The following ERC2 variants were observed in gnomAD, a reference collection of about 807,000 sequenced individuals.
ERC2 encodes ELKS/RAB6-interacting/CAST family member 2.
In ERC2, 42 loss-of-function variants were observed where a neutral mutation model predicts 114.8. The observed-to-expected ratio is 0.37, with a 90% CI of 0.29 to 0.47. The LOEUF (loss-of-function observed/expected upper bound fraction) is 0.47. Among genes scored for constraint, ERC2 ranks in the 20% least tolerant of loss-of-function variants. The probability of loss-of-function intolerance (pLI) is 0.99; values close to 1 mark genes in which losing one functional copy is unlikely to be tolerated. For synonymous variants in ERC2, 454 were observed against 425.5 expected, an observed-to-expected ratio of 1.07 and a Z score of -0.82; for missense variants, 939 against 1,150.7, an observed-to-expected ratio of 0.82 and a Z score of 2.66.
chr3:55,927,916 T>C (rs1191169259), intron 13 of ERC2, among the ~76,000 whole-genome samples: 2 of 152,200 alleles, frequency 1.3e-5, no homozygotes, highest in East Asian at 1.9e-4. Context: ...GTTCCACCCA[T>C]GTTGTTGCAA....
chr3:56,194,294 G>GA (rs1278378747), intron 3 of ERC2, among the ~76,000 whole-genome samples: 6 of 151,244 alleles, frequency 4.0e-5, no homozygotes, highest in East Asian at 1.9e-4. Flanking sequence ...ACTTTATTTG[G>GA]AAAAAAAAGG....
At chr3:55,639,415 G>A (rs2060085359) in intron 17 of ERC2, among the ~76,000 whole-genome samples, 1 of 152,168 alleles carries the variant, frequency 6.6e-6, no homozygotes, top group African/African-American at 2.4e-5. Context: ...TCAGGAGACT[G>A]GGGACCAGGA....
intron 14 of ERC2, among the ~76,000 whole-genome samples, chr3:55,809,055 C>G (rs1234121230): frequency 6.6e-6 from 1 of 151,828 alleles, no homozygotes; most frequent in African/African-American, 2.4e-5. Context: ...TTAAAAAAAT[C>G]CTACAGAATT....
At position 55,721,386 on chromosome 3, in the gene ERC2, T is replaced by C. The variant is rs139237450; in HGVS notation, c.2712+13385A>G. On this transcript the variant is annotated intron_variant, in intron 15 of 17. Coordinates refer to ENST00000288221, the MANE Select transcript of ERC2 (RefSeq NM_015576.3). ...ACAATGCATCTTCTCTACTCAACTG[T>C]AGGCTCTGCAAAAGCGAATCCTGCC... 2.3e-3 allele frequency among the ~76,000 whole-genome samples: 357 copies of C among 152,370 alleles called. 1 individual carries two copies. Among genetic ancestry groups the C allele is most frequent in the African/African-American group, 8.3e-3 (344 of 41,592 alleles).
At position 55,510,923 on chromosome 3, in the gene ERC2, A is replaced by T. The variant is rs1217349694; in HGVS notation, c.*393T>A. The T allele has an allele frequency of 6.6e-6, 1 of 152,232 alleles. No individual in the cohort carries two copies. Among genetic ancestry groups the T allele is most frequent in the Non-Finnish European group, 1.5e-5 (1 of 68,038 alleles). 9.4% of individuals were successfully genotyped at this position (152,232 alleles called of 1,614,324 possible). A position where few individuals can be genotyped will look rare whatever the true frequency, so the allele number is the denominator to read the frequency against. Reference sequence around the variant, plus strand: ...CACAGATAAAATCCCATGGAGTTCAAATTTATCCAATGATGTTTAAGTAAC... The same window carrying T: ...CACAGATAAAATCCCATGGAGTTCATATTTATCCAATGATGTTTAAGTAAC... On this transcript the variant is annotated 3_prime_UTR_variant, in exon 18 of 18. Coordinates refer to ENST00000288221, the MANE Select transcript of ERC2 (RefSeq NM_015576.3).
At chr3:56,348,447 G>A (rs1576535706) in intron 2 of ERC2, among the ~76,000 whole-genome samples, 1 of 151,422 alleles carries the variant, frequency 6.6e-6, no homozygotes, top group South Asian at 2.1e-4. Context: ...CTAGATGCTA[G>A]ATCTTCAATT....
chr3:56,317,866 A>T (rs56177242), intron 2 of ERC2, among the ~76,000 whole-genome samples: 13,556 of 152,284 alleles, frequency 0.089, 1,040 homozygotes, highest in African/African-American at 0.2. Flanking sequence ...GTAGTCAAGC[A>T]GTCAGTGCAC....
chr3:55,549,302 T>C (rs2054980824), intron 17 of ERC2, among the ~76,000 whole-genome samples: 5 of 152,018 alleles, frequency 3.3e-5, no homozygotes, highest in Admixed American at 1.3e-4. Flanking sequence ...AAGGCCTCTA[T>C]GAAGGGTAGA....
At chr3:56,128,050 T>G (rs2079982951) in intron 6 of ERC2, among the ~76,000 whole-genome samples, 1 of 151,898 alleles carries the variant, frequency 6.6e-6, no homozygotes, top group Non-Finnish European at 1.5e-5. Flanking sequence ...CCAGCAAGAC[T>G]CCATCTCAAA....
chr3:55,741,513 A>G lies in ERC2; in HGVS notation c.2565-6595T>C, dbSNP rs1274905895. Among the ~76,000 whole-genome samples, 3 of 152,186 alleles carry G rather than the reference A, an allele frequency of 2.0e-5. No homozygotes were observed. The East Asian group carries it at 5.8e-4, about 29-fold the overall frequency. On this transcript the variant is annotated intron_variant, in intron 14 of 17. Transcript: ENST00000288221. The stretch of plus-strand genomic sequence containing the variant: ...ATCAAGACCAGATTTATATTGCTTC[A>G]GAAATTATTACTGTCCCATCAACCT...
intron 13 of ERC2, among the ~76,000 whole-genome samples, chr3:55,935,810 A>C (rs565196986): frequency 1.3e-5 from 2 of 152,260 alleles, no homozygotes; most frequent in South Asian, 2.1e-4. Context: ...AGCCATTCCA[A>C]GCAGCTTCTA....
intron 17 of ERC2, among the ~76,000 whole-genome samples, chr3:55,601,558 C>T (rs1020941936): frequency 2.0e-5 from 3 of 152,196 alleles, no homozygotes; most frequent in African/African-American, 7.2e-5. Flanking sequence ...TGTAAAATGC[C>T]ACGAGTCCAG....
intron 3 of ERC2, among the ~76,000 whole-genome samples, chr3:56,181,988 C>T (rs1040151634): frequency 6.6e-6 from 1 of 152,160 alleles, no homozygotes; most frequent in African/African-American, 2.4e-5. Flanking sequence ...GGCACTGGGC[C>T]AGAACTACCC....
chr3:56,399,599 T>C (rs1299975131), intron 2 of ERC2, among the ~76,000 whole-genome samples: 1 of 152,212 alleles, frequency 6.6e-6, no homozygotes, highest in Non-Finnish European at 1.5e-5. Context: ...TAAAGAGTAC[T>C]GCAGAATGTT....
intron 17 of ERC2, among the ~76,000 whole-genome samples, chr3:55,550,375 G>A (rs2055083821): frequency 6.6e-6 from 1 of 152,142 alleles, no homozygotes; most frequent in African/African-American, 2.4e-5. Flanking sequence ...TGAAATGTAA[G>A]CTGCTTGAGG....
chr3:56,345,967 A>G (rs2058291072), intron 2 of ERC2, among the ~76,000 whole-genome samples: 1 of 152,108 alleles, frequency 6.6e-6, no homozygotes, highest in Non-Finnish European at 1.5e-5. Context: ...TCAAAGTCTC[A>G]CTGTATTTAC....
chr3:55,546,651 CGAGG>C, intron 17 of ERC2, among the ~76,000 whole-genome samples: 1 of 152,314 alleles, frequency 6.6e-6, no homozygotes, highest in African/African-American at 2.4e-5. Flanking sequence ...CCAATCAAAA[CGAGG>C]TGTTGAGGCT....
chr3:55,746,426 G>T (rs1033465380), intron 14 of ERC2, among the ~76,000 whole-genome samples: 1 of 152,060 alleles, frequency 6.6e-6, no homozygotes, highest in Non-Finnish European at 1.5e-5. Flanking sequence ...TAGAGACGGG[G>T]TTTCACCATG....
At chr3:55,834,097 C>T (rs1285390498) in intron 14 of ERC2, among the ~76,000 whole-genome samples, 1 of 151,800 alleles carries the variant, frequency 6.6e-6, no homozygotes, top group Non-Finnish European at 1.5e-5. Context: ...CAGGAGCACC[C>T]AGATTCATAA....
Sources: allele counts gnomAD v4.1 joint callset (sites outside exome capture counted in the v4.1 genomes callset), GRCh38; gene constraint gnomAD v4.1.1; transcripts MANE v1.5; gene names NCBI Gene and HGNC (gene_info 2026-07-23, HGNC 2026-07-21).